The following L3MBTL3 variants were observed in gnomAD, a reference collection of about 807,000 sequenced individuals.
L3MBTL3 encodes L3MBTL histone methyl-lysine binding protein 3, also known as lethal(3)malignant brain tumor-like protein 3.
A neutral mutation model predicts 102.3 loss-of-function variants in L3MBTL3; 27 were observed. That is an observed-to-expected ratio of 0.26 (90% CI 0.19 to 0.36). The LOEUF is 0.36. Ranked by LOEUF, L3MBTL3 falls within the 10% of genes least tolerant of loss-of-function variation. The pLI, the probability that L3MBTL3 is intolerant of heterozygous loss-of-function variation, is 1.00. For synonymous variants in L3MBTL3, 340 were observed against 320.9 expected (o/e 1.06, Z -0.64); for missense variants, 798 against 955.3 (o/e 0.84, Z 2.17).
chr6:130,120,139 T>C (rs1393460916), intron 19 of L3MBTL3, among the ~76,000 whole-genome samples: 3 of 152,156 alleles, frequency 2.0e-5, no homozygotes, highest in African/African-American at 4.8e-5. Flanking sequence ...TAGAAGAAAT[T>C]GCAAAATGGG....
At chr6:130,135,221 C>A (rs139462178) in intron 22 of L3MBTL3, among the ~76,000 whole-genome samples, 1 of 151,832 alleles carries the variant, frequency 6.6e-6, no homozygotes, top group Non-Finnish European at 1.5e-5. Context: ...CCACCACGCT[C>A]GGCTAATTTT....
chr6:130,097,931 G>A (rs182320978), intron 18 of L3MBTL3, among the ~76,000 whole-genome samples: 8 of 152,198 alleles, frequency 5.3e-5, no homozygotes, highest in Admixed American at 3.9e-4. Context: ...GCCGGATGTG[G>A]TGGTGCATGC....
intron 5 of L3MBTL3, among the ~76,000 whole-genome samples, chr6:130,050,161 A>G (rs1781003012): frequency 6.6e-6 from 1 of 152,084 alleles, no homozygotes; most frequent in Non-Finnish European, 1.5e-5. Context: ...CCCCCTTCCA[A>G]TTGGTCCTGC....
At chr6:130,106,543 G>A (rs1445494348) in intron 19 of L3MBTL3, among the ~76,000 whole-genome samples, 1 of 152,062 alleles carries the variant, frequency 6.6e-6, no homozygotes, top group Non-Finnish European at 1.5e-5. Context: ...TCCCCTTTTT[G>A]CGGCCCTGGG....
At chr6:130,062,587 G>T (rs1781967315) in intron 10 of L3MBTL3, among the ~76,000 whole-genome samples, 2 of 148,002 alleles carry the variant, frequency 1.4e-5, no homozygotes, top group Admixed American at 6.7e-5. Context: ...TAGAAATGGG[G>T]TCCTGCAATG....
At chr6:130,122,116 A>G (rs1786262901) in intron 20 of L3MBTL3, among the ~76,000 whole-genome samples, 1 of 152,206 alleles carries the variant, frequency 6.6e-6, no homozygotes, top group South Asian at 2.1e-4. Flanking sequence ...AACAATAATT[A>G]TTTATTTTTT....
At chr6:130,106,267 G>A (rs1469727753) in intron 19 of L3MBTL3, among the ~76,000 whole-genome samples, 2 of 152,030 alleles carry the variant, frequency 1.3e-5, no homozygotes, top group East Asian at 1.9e-4. Flanking sequence ...CATCTTTTGA[G>A]TCAATGAGGT....
intron 13 of L3MBTL3, among the ~76,000 whole-genome samples, chr6:130,077,487 G>A (rs1240919369): frequency 6.6e-6 from 1 of 152,124 alleles, no homozygotes; most frequent in Non-Finnish European, 1.5e-5. Context: ...AAGCCTTTAA[G>A]TAATAAGGAA....
intron 20 of L3MBTL3, among the ~76,000 whole-genome samples, chr6:130,122,167 G>A (rs142706734): frequency 1.7e-3 from 265 of 152,256 alleles, no homozygotes; most frequent in African/African-American, 6.0e-3. Flanking sequence ...GATTGTCCCT[G>A]GGGACTTTGC....
chr6:130,114,665 T>C (rs1362018740), intron 19 of L3MBTL3, among the ~76,000 whole-genome samples: 4 of 152,200 alleles, frequency 2.6e-5, no homozygotes, highest in Non-Finnish European at 4.4e-5. Context: ...TTAACCAAAA[T>C]GTTTTTATTC....
intron 20 of L3MBTL3, among the ~76,000 whole-genome samples, chr6:130,123,076 G>A (rs186906228): frequency 2.0e-5 from 3 of 152,218 alleles, no homozygotes; most frequent in East Asian, 1.9e-4. Context: ...GTTTCTCAGC[G>A]ATCTTTTTAA....
At chr6:130,116,282 C>T (rs1443133663) in intron 19 of L3MBTL3, among the ~76,000 whole-genome samples, 1 of 152,074 alleles carries the variant, frequency 6.6e-6, no homozygotes, top group Non-Finnish European at 1.5e-5. Context: ...CTTAACATGC[C>T]CCTCTGACGT....
At chr6:130,120,399 C>T (rs2115487398) in intron 19 of L3MBTL3, among the ~76,000 whole-genome samples, 1 of 152,232 alleles carries the variant, frequency 6.6e-6, no homozygotes, top group South Asian at 2.1e-4. Flanking sequence ...TGGACTTGAC[C>T]TGATTAAGCC....
intron 19 of L3MBTL3, among the ~76,000 whole-genome samples, chr6:130,113,458 T>C (rs1305459760): frequency 6.6e-6 from 1 of 152,244 alleles, no homozygotes; most frequent in Non-Finnish European, 1.5e-5. Flanking sequence ...ATAATTGTGT[T>C]CTAAATTAGG....
intron 3 of L3MBTL3, among the ~76,000 whole-genome samples, chr6:130,048,915 C>T (rs75231773): frequency 0.031 from 4,466 of 145,342 alleles, 121 homozygotes; most frequent in Middle Eastern, 0.045. Context: ...AAAAATACGA[C>T]GTAAGAAAAA....
intron 3 of L3MBTL3, among the ~76,000 whole-genome samples, chr6:130,048,484 G>C (rs1366813134): frequency 6.6e-6 from 1 of 152,044 alleles, no homozygotes; most frequent in Non-Finnish European, 1.5e-5. Context: ...GTACAACCAG[G>C]TTGTTGTAGA....
At chr6:130,087,160 A>G (rs932472936) in intron 16 of L3MBTL3, among the ~76,000 whole-genome samples, 3 of 151,994 alleles carry the variant, frequency 2.0e-5, no homozygotes, top group Non-Finnish European at 4.4e-5. Flanking sequence ...CTCTAATAAG[A>G]TAGTGTATAA....
chr6:130,114,562 G>A (rs1312618360), intron 19 of L3MBTL3, among the ~76,000 whole-genome samples: 1 of 152,078 alleles, frequency 6.6e-6, no homozygotes, highest in Admixed American at 6.5e-5. Flanking sequence ...TGTTATCTTG[G>A]TAATACCCAC....
intron 7 of L3MBTL3, chr6:130,054,968 C>T: frequency 1.9e-6 from 1 of 515,358 alleles, no homozygotes. Context: ...CAACCGGTAA[C>T]ACGTGGATAC....
Sources: gnomAD v4.1 joint callset for allele counts (sites outside exome capture counted in the v4.1 genomes callset) on GRCh38, gnomAD v4.1.1 for gene constraint, MANE v1.5 for transcripts, NCBI Gene and HGNC (gene_info 2026-07-23, HGNC 2026-07-21) for gene names.